The following R3HCC1L variants were observed in gnomAD, a reference collection of about 807,000 sequenced individuals.
R3HCC1L encodes coiled-coil domain-containing protein R3HCC1L.
A neutral mutation model predicts 59.9 loss-of-function variants in R3HCC1L; 51 were observed. The observed-to-expected ratio is 0.85, with a 90% confidence interval of 0.68 to 1.07. The LOEUF is 1.07. R3HCC1L is among the 50% of genes least tolerant of loss of function. R3HCC1L has a pLI of 0.00. For missense variants in R3HCC1L, 965 were observed against 933.0 expected, an observed-to-expected ratio of 1.03 and a Z score of -0.45; for synonymous variants, 322 against 315.2, an observed-to-expected ratio of 1.02 and a Z score of -0.23.
intron 4 of R3HCC1L, among the ~76,000 whole-genome samples, chr10:98,173,366 C>T (rs1260561811): frequency 3.9e-5 from 6 of 152,160 alleles, no homozygotes; most frequent in Admixed American, 3.9e-4. Flanking sequence ...TCTCACTGAT[C>T]ACTTTAGACC....
intron 4 of R3HCC1L, among the ~76,000 whole-genome samples, chr10:98,169,256 A>T (rs1471429178): frequency 6.6e-6 from 1 of 152,220 alleles, no homozygotes; most frequent in Non-Finnish European, 1.5e-5. Flanking sequence ...CATCATTGTG[A>T]GACCATTCTG....
intron 1 of R3HCC1L, among the ~76,000 whole-genome samples, chr10:98,155,392 T>G (rs1347257648): frequency 1.3e-5 from 2 of 152,194 alleles, no homozygotes; most frequent in Non-Finnish European, 2.9e-5. Flanking sequence ...TTCTATATTT[T>G]GTGTGTTTGT....
At chr10:98,219,034 C>G (rs1854558226) in intron 5 of R3HCC1L, among the ~76,000 whole-genome samples, 1 of 152,134 alleles carries the variant, frequency 6.6e-6, no homozygotes, top group African/African-American at 2.4e-5. Flanking sequence ...GCGCCAGCTT[C>G]CTGAGTAGCT....
At chr10:98,193,862 C>A (rs1287062173) in intron 4 of R3HCC1L, among the ~76,000 whole-genome samples, 1 of 152,092 alleles carries the variant, frequency 6.6e-6, no homozygotes, top group East Asian at 1.9e-4. Flanking sequence ...AATATTGATG[C>A]AATACTGTTG....
At chr10:98,146,445 C>T (rs1186889253) in intron 1 of R3HCC1L, among the ~76,000 whole-genome samples, 1 of 152,130 alleles carries the variant, frequency 6.6e-6, no homozygotes, top group African/African-American at 2.4e-5. Flanking sequence ...ACCCATTAAT[C>T]AACCTCTTTT....
chr10:98,166,302 C>T (rs1004491164), intron 4 of R3HCC1L, among the ~76,000 whole-genome samples: 10 of 152,248 alleles, frequency 6.6e-5, no homozygotes, highest in African/African-American at 1.9e-4. Flanking sequence ...GCCATGCTGG[C>T]ACCCTGATCT....
rs1856825591 is a variant in R3HCC1L at position 98,235,464 on chromosome 10, T to C, written c.2072T>C (p.Ile691Thr). The C allele has an allele frequency of 1.2e-6, 2 of 1,613,658 alleles. No individual in the cohort carries two copies. The highest frequency in any genetic ancestry group is 3.3e-5 in the Admixed American group (2 of 59,928). The change falls in exon 8 of 10, where the codon ATT (isoleucine) becomes ACT (threonine). Residue 691 changes from isoleucine (I) to threonine (T), a missense_variant. Physicochemically the swap from Ile to Thr is moderately conservative, Grantham distance 89. Transcript: ENST00000298999. ...GGTATTAAACACACCATGGTGAAGA[T>C]TCGTCCCTTGTCACAGGCCACAAGA... ...ALGIKHTMVK[I>T]RPLSQATRAA...
rs771028233 is a variant in R3HCC1L at position 98,224,759 on chromosome 10, C to T, written c.1786-6753C>T. Among the ~76,000 whole-genome samples the T allele has an allele frequency of 5.3e-5, 8 of 152,324 alleles. No individual in the cohort carries two copies. In the East Asian group the frequency reaches 9.6e-4, roughly 18 times the overall value. On this transcript the variant is annotated intron_variant, in intron 5 of 9. Coordinates refer to ENST00000298999, the MANE Select transcript of R3HCC1L (RefSeq NM_001351015.2). ...AGATCAGAATGAATGAAATTCTAAA[C>T]GTCTACCATCTGTTTTTGCTCTATC...
intron 4 of R3HCC1L, among the ~76,000 whole-genome samples, chr10:98,181,424 G>T (rs1453628943): frequency 2.6e-5 from 4 of 152,136 alleles, no homozygotes. Flanking sequence ...TGGGTAATCC[G>T]ACCTTTCTCT....
chr10:98,217,388 A>G (rs1281197560), intron 5 of R3HCC1L, among the ~76,000 whole-genome samples: 1 of 152,020 alleles, frequency 6.6e-6, no homozygotes, highest in Non-Finnish European at 1.5e-5. Context: ...CTGTTTTTAT[A>G]CCAATACCAT....
At chr10:98,151,763 G>A (rs1846183409) in intron 1 of R3HCC1L, among the ~76,000 whole-genome samples, 1 of 152,148 alleles carries the variant, frequency 6.6e-6, no homozygotes, top group Admixed American at 6.5e-5. Context: ...AGTAGAGGGA[G>A]ATTGTTTAGA....
chr10:98,176,011 G>A (rs975004328), intron 4 of R3HCC1L, among the ~76,000 whole-genome samples: 21 of 151,874 alleles, frequency 1.4e-4, no homozygotes, highest in Admixed American at 1.4e-3. Flanking sequence ...CACTTGTTTC[G>A]GCACCATTTT....
At chr10:98,197,378 G>C (rs1851555183) in intron 4 of R3HCC1L, among the ~76,000 whole-genome samples, 1 of 152,078 alleles carries the variant, frequency 6.6e-6, no homozygotes, top group Admixed American at 6.5e-5. Flanking sequence ...TTAAACATCA[G>C]CTCAGGTGTT....
chr10:98,222,810 AAAG>A (rs1804818481), intron 5 of R3HCC1L, among the ~76,000 whole-genome samples: 2 of 152,224 alleles, frequency 1.3e-5, no homozygotes, highest in South Asian at 2.1e-4. Context: ...ATAAAGAAAA[AAAG>A]AGAGAAGAAT....
chr10:98,217,317 A>C (rs375782098), intron 5 of R3HCC1L, among the ~76,000 whole-genome samples: 3 of 152,152 alleles, frequency 2.0e-5, no homozygotes. Context: ...GTCGAAAATC[A>C]GTTGGCTGTA....
intron 8 of R3HCC1L, 110 bp downstream of exon 8, chr10:98,235,630 G>A: frequency 2.4e-6 from 2 of 837,346 alleles, no homozygotes; most frequent in Non-Finnish European, 3.6e-6. Context: ...TATTTTTAGT[G>A]TTAAAAGAAA....
In R3HCC1L at chr10:98,208,773, T is replaced by C. The variant is rs750187990; in HGVS notation, c.659T>C (p.Phe220Ser). Residue 220 changes from phenylalanine (F) to serine (S), a missense_variant, in exon 5 of 10, where the codon TTT (phenylalanine) becomes TCT (serine). By Grantham distance (155) the Phe-to-Ser change is radical. Transcript: ENST00000298999. The part of the protein sequence containing the change: ...DTKVLEILYE[F>S]PRVFSSVMKP... ...AAGGTTTTGGAGATACTATATGAGT[T>C]TCCTAGAGTTTTTAGTTCTGTCATG... 1.2e-6 allele frequency: 2 copies of C among 1,614,106 alleles called. No homozygotes were observed. Among genetic ancestry groups the C allele is most frequent in the Non-Finnish European group, 1.7e-6 (2 of 1,180,002 alleles).
intron 4 of R3HCC1L, among the ~76,000 whole-genome samples, chr10:98,198,144 A>G (rs138634822): frequency 4.6e-5 from 7 of 152,212 alleles, no homozygotes; most frequent in Admixed American, 2.0e-4. Context: ...AAATGGGCTG[A>G]CAGTGATACT....
intron 1 of R3HCC1L, among the ~76,000 whole-genome samples, chr10:98,136,883 A>G (rs1322720179): frequency 5.9e-5 from 9 of 152,132 alleles, no homozygotes; most frequent in African/African-American, 1.7e-4. Flanking sequence ...CCTGTCACAT[A>G]AGGTCGGGTG....
Sources: gnomAD v4.1 joint callset for allele counts (sites outside exome capture counted in the v4.1 genomes callset) on GRCh38, gnomAD v4.1.1 for gene constraint, MANE v1.5 for transcripts, NCBI Gene and HGNC (gene_info 2026-07-23, HGNC 2026-07-21) for gene names.